Variants in CYRIB observed in about 807,000 individuals in gnomAD.
CYRIB encodes the protein CYFIP related Rac1 interactor B.
In CYRIB, 8 loss-of-function variants were observed where a neutral mutation model predicts 44.2. The observed-to-expected ratio is 0.18, with a 90% CI of 0.11 to 0.33. The LOEUF is 0.33. CYRIB is among the 10% of genes least tolerant of loss of function. The pLI is 1.00. For missense variants in CYRIB, 185 were observed against 382.8 expected, an observed-to-expected ratio of 0.48 and a Z score of 4.31; for synonymous variants, 131 against 127.2, an observed-to-expected ratio of 1.03 and a Z score of -0.20.
chr8:129,913,479 C>G (rs1384931040), intron 1 of CYRIB, among the ~76,000 whole-genome samples: 1 of 152,194 alleles, frequency 6.6e-6, no homozygotes, highest in African/African-American at 2.4e-5. Flanking sequence ...AAAGCACATT[C>G]TTCAATGACA....
intron 4 of CYRIB, among the ~76,000 whole-genome samples, chr8:129,862,940 A>AT (rs1186247060): frequency 6.6e-6 from 1 of 152,218 alleles, no homozygotes; most frequent in Non-Finnish European, 1.5e-5. Context: ...AGATATGAAC[A>AT]TAATGAAAAT....
intron 2 of CYRIB, among the ~76,000 whole-genome samples, chr8:129,967,387 GT>G (rs1384961135): frequency 2.8e-5 from 4 of 142,196 alleles, no homozygotes; most frequent in South Asian, 4.4e-4. Context: ...TTGTTTTTTT[GT>G]TTTTTTTTTG....
At chr8:129,891,904 TATA>T (rs1300091480) in intron 2 of CYRIB, among the ~76,000 whole-genome samples, 1 of 152,190 alleles carries the variant, frequency 6.6e-6, no homozygotes, top group African/African-American at 2.4e-5. Flanking sequence ...GTGCAATGGA[TATA>T]ATAAATTAGG....
intron 2 of CYRIB, among the ~76,000 whole-genome samples, chr8:129,969,015 C>CTTTTTTCTT (rs1554724053): frequency 1.3e-5 from 1 of 76,866 alleles, no homozygotes; most frequent in Non-Finnish European, 2.3e-5. Context: ...ATTTGTCCTC[C>CTTTTTTCTT]TTTTTTTTTT....
intron 11 of CYRIB, 56 bp from the exon 14 acceptor site, chr8:129,842,261 C>T: frequency 5.6e-6 from 7 of 1,252,536 alleles, no homozygotes; most frequent in South Asian, 5.0e-5. Context: ...TAATCAGCAT[C>T]GGGTTCTCTA....
At chr8:129,995,098 G>A (rs895825513) in intron 1 of CYRIB, among the ~76,000 whole-genome samples, 3 of 152,204 alleles carry the variant, frequency 2.0e-5, no homozygotes, top group African/African-American at 7.2e-5. Flanking sequence ...CCAGGAAGGT[G>A]GGTGGAATGT....
intron 4 of CYRIB, among the ~76,000 whole-genome samples, chr8:129,863,046 G>A (rs1242563809): frequency 6.6e-6 from 1 of 152,098 alleles, no homozygotes; most frequent in Admixed American, 6.5e-5. Context: ...ATATCACAGA[G>A]TCTCTTAGTA....
chr8:129,880,444 C>T, intron 2 of CYRIB: 1 of 985,780 alleles, frequency 1.0e-6, no homozygotes, highest in Non-Finnish European at 1.2e-6. Context: ...AATGAGATTA[C>T]CCATGCCAGC....
At chr8:129,987,938 T>G (rs1358952272) in intron 1 of CYRIB, among the ~76,000 whole-genome samples, 2 of 152,174 alleles carry the variant, frequency 1.3e-5, no homozygotes, top group Non-Finnish European at 2.9e-5. Context: ...GCAAGTCCCT[T>G]TAATACACCT....
chr8:129,847,615 G>A (rs1255117660), intron 10 of CYRIB, among the ~76,000 whole-genome samples: 1 of 152,234 alleles, frequency 6.6e-6, no homozygotes, highest in Non-Finnish European at 1.5e-5. Flanking sequence ...ATGAGAGGCT[G>A]AAAGCCAGGA....
intron 1 of CYRIB, among the ~76,000 whole-genome samples, chr8:129,939,043 A>T (rs1357104398): frequency 1.3e-5 from 2 of 152,234 alleles, no homozygotes; most frequent in Non-Finnish European, 2.9e-5. Context: ...AAGTTGGAAG[A>T]TCTGGCCGCG....
In CYRIB at chr8:129,862,112, TATAAAAC is replaced by T. The variant is rs2050066404; in HGVS notation, c.301+110_301+116del. On this transcript the variant is annotated intron_variant, in intron 5 of 11. Coordinates refer to ENST00000519824, the Ensembl canonical transcript of CYRIB. ...TACAGTCTAACAAGCTTGCTTTACT[TATAAAAC>T]AGATACTAAGCCAAATTCAGCATTA... 1.0e-5 allele frequency: 7 copies of T among 701,898 alleles called. No individual in the cohort carries two copies. The East Asian group carries it at 1.9e-4, about 19-fold the overall frequency. 43.5% of individuals were successfully genotyped at this position (701,898 alleles called of 1,614,324 possible). A position where few individuals can be genotyped will look rare whatever the true frequency, so the allele number is the denominator to read the frequency against.
At chr8:129,905,133 G>A (rs190363241) in intron 1 of CYRIB, among the ~76,000 whole-genome samples, 6 of 152,178 alleles carry the variant, frequency 3.9e-5, no homozygotes, top group Non-Finnish European at 8.8e-5. Flanking sequence ...AGAACCTCAC[G>A]TTGTCTACAA....
intron 1 of CYRIB, among the ~76,000 whole-genome samples, chr8:129,903,650 T>C (rs952974622): frequency 5.9e-5 from 9 of 152,228 alleles, no homozygotes; most frequent in African/African-American, 1.4e-4. Flanking sequence ...ATTCTCATCA[T>C]AGCTTATGAA....
intron 1 of CYRIB, among the ~76,000 whole-genome samples, chr8:129,973,273 G>A (rs1384303816): frequency 6.6e-6 from 1 of 152,240 alleles, no homozygotes; most frequent in Admixed American, 6.5e-5. Flanking sequence ...CTGAAGCTGA[G>A]AAGTAAAAGT....
chr8:130,006,263 G>A (rs192137784), intron 1 of CYRIB, among the ~76,000 whole-genome samples: 4 of 151,744 alleles, frequency 2.6e-5, no homozygotes, highest in African/African-American at 4.8e-5. Flanking sequence ...AGATCACGCC[G>A]CTGTACTCCA....
At chr8:129,852,187 T>A (rs1695339816) in exon 8 of CYRIB, 1 of 1,554,142 alleles carries the variant, frequency 6.4e-7, no homozygotes, top group Non-Finnish European at 8.7e-7. Flanking sequence ...TGTTGTGGCA[T>A]CACTCAAGGT....
At chr8:129,850,726 T>G in intron 9 of CYRIB, 109 bp downstream of exon 11, 1 of 805,002 alleles carries the variant, frequency 1.2e-6, no homozygotes, top group Non-Finnish European at 2.1e-6. Flanking sequence ...ATATACTTAC[T>G]TTCCACCTTC....
intron 8 of CYRIB, 81 bp from the exon 11 acceptor site, chr8:129,850,995 T>C (rs1021546549): frequency 1.1e-6 from 1 of 930,910 alleles, no homozygotes; most frequent in Non-Finnish European, 1.7e-6. Flanking sequence ...TAGCGTAATA[T>C]GAAAAATTAG....
Sources: gnomAD v4.1 joint callset for allele counts (sites outside exome capture counted in the v4.1 genomes callset) on GRCh38, gnomAD v4.1.1 for gene constraint, MANE v1.5 for transcripts, NCBI Gene and HGNC (gene_info 2026-07-23, HGNC 2026-07-21) for gene names.